Variants in RORA observed in about 807,000 individuals in gnomAD.
The protein encoded by RORA is RAR related orphan receptor A, also known as nuclear receptor ROR-alpha.
In RORA, 7 loss-of-function variants were observed where a neutral mutation model predicts 69.5. The ratio of observed to expected loss-of-function variants is 0.10; its 90% CI spans 0.06 to 0.19. RORA has a LOEUF of 0.19. RORA is among the 10% of genes least tolerant of loss of function. The pLI is 1.00. For missense variants in RORA, 457 were observed against 663.0 expected, an observed-to-expected ratio of 0.69 and a Z score of 3.41; for synonymous variants, 261 against 240.8, an observed-to-expected ratio of 1.08 and a Z score of -0.78.
chr15:60,958,276 T>C (rs1434059214), intron 1 of RORA, among the ~76,000 whole-genome samples: 5 of 152,234 alleles, frequency 3.3e-5, no homozygotes, highest in Non-Finnish European at 1.5e-5. Context: ...TTTGCGTGCA[T>C]GGAGCATCAA....
In RORA at chr15:60,499,927, G is replaced by T; in HGVS notation, c.1372C>A (p.Gln458Lys). The change falls in exon 10 of 11, where the codon CAG becomes AAG. Residue 458 changes from glutamine to lysine, a missense_variant. Gln to Lys is a moderately conservative substitution (Grantham distance 53). Around this residue, in one of 3 missense-constraint regions of RORA, gnomAD observed 304 missense variants for 447.4 expected, o/e 0.68. Transcript: ENST00000335670. ...KIQLALQHVL[Q>K]KNHREDGILT... The stretch of plus-strand genomic sequence containing the variant: ...ATTCCATCTTCTCGGTGATTCTTCT[G>T]TAGGACGTGTTGAAGAGCTAGCTGA... 1 of 1,612,232 alleles carries T rather than the reference G, an allele frequency of 6.2e-7. No individual in the cohort carries two copies. Among genetic ancestry groups the T allele is most frequent in the African/African-American group, 1.3e-5 (1 of 74,914 alleles).
At chr15:61,010,753 T>C (rs1288655524) in intron 1 of RORA, among the ~76,000 whole-genome samples, 1 of 152,210 alleles carries the variant, frequency 6.6e-6, no homozygotes, top group East Asian at 1.9e-4. Flanking sequence ...AAGGGGGTGC[T>C]GTGTTATGCC....
At chr15:60,662,205 C>G (rs951129988) in intron 2 of RORA, among the ~76,000 whole-genome samples, 7 of 152,220 alleles carry the variant, frequency 4.6e-5, no homozygotes, top group Non-Finnish European at 8.8e-5. Flanking sequence ...TGGTTCCCAT[C>G]TTTGATAGCC....
chr15:61,127,664 C>T lies in RORA; in HGVS notation c.166+101389G>A, dbSNP rs926847565. ...GTTGCCTTCTAGAAGATTTGTGCTG[C>T]TGGCATTTAAGTTGATTTTCTTTAA... On this transcript the variant is annotated intron_variant, in intron 1 of 10. Transcript: ENST00000335670. Among the ~76,000 whole-genome samples the T allele has an allele frequency of 7.2e-5, 11 of 152,298 alleles. No homozygotes were observed. The South Asian group carries it at 8.3e-4, about 11-fold the overall frequency.
At chr15:60,872,163 A>T (rs1195472222) in intron 1 of RORA, among the ~76,000 whole-genome samples, 1 of 152,188 alleles carries the variant, frequency 6.6e-6, no homozygotes, top group Non-Finnish European at 1.5e-5. Flanking sequence ...TCTGAGGCCC[A>T]GGTCTGTACA....
chr15:60,615,294 T>G (rs143830568), intron 2 of RORA, among the ~76,000 whole-genome samples: 181 of 152,304 alleles, frequency 1.2e-3, no homozygotes, highest in African/African-American at 4.2e-3. Flanking sequence ...CACGGAGCCT[T>G]GAGATCGAGT....
At chr15:60,922,708 T>A (rs1174310911) in intron 1 of RORA, among the ~76,000 whole-genome samples, 1 of 152,228 alleles carries the variant, frequency 6.6e-6, no homozygotes, top group African/African-American at 2.4e-5. Context: ...TGGCCACCAA[T>A]CACATAATAC....
chr15:60,761,383 G>A (rs1458471417), intron 1 of RORA, among the ~76,000 whole-genome samples: 1 of 151,964 alleles, frequency 6.6e-6, no homozygotes, highest in Non-Finnish European at 1.5e-5. Flanking sequence ...TGATTCAGAA[G>A]GCACTTTAGG....
chr15:60,587,999 ACT>A (rs1198424413), intron 2 of RORA, among the ~76,000 whole-genome samples: 1 of 152,026 alleles, frequency 6.6e-6, no homozygotes, highest in Non-Finnish European at 1.5e-5. Flanking sequence ...TCTGACTACG[ACT>A]CTCTCAGTTC....
chr15:60,980,319 A>T (rs1414911825), intron 1 of RORA, among the ~76,000 whole-genome samples: 8 of 152,168 alleles, frequency 5.3e-5, no homozygotes, highest in Admixed American at 5.2e-4. Context: ...TATATTCATA[A>T]GAGATATTAG....
At chr15:60,856,531 T>C (rs2073382573) in intron 1 of RORA, among the ~76,000 whole-genome samples, 2 of 152,032 alleles carry the variant, frequency 1.3e-5, no homozygotes, top group East Asian at 1.9e-4. Flanking sequence ...CCTTAGATAT[T>C]ATCAAAATAT....
At chr15:60,597,599 T>C (rs1400090008) in intron 2 of RORA, among the ~76,000 whole-genome samples, 7 of 37,218 alleles carry the variant, frequency 1.9e-4, no homozygotes, top group African/African-American at 3.8e-4. Context: ...TATATACACA[T>C]ATATATATAT....
chr15:61,220,468 G>A (rs1362287510), intron 1 of RORA, among the ~76,000 whole-genome samples: 1 of 152,184 alleles, frequency 6.6e-6, no homozygotes, highest in Non-Finnish European at 1.5e-5. Flanking sequence ...ATTGGATGTT[G>A]AAAATCCATT....
At chr15:60,755,060 T>A (rs1175184583) in intron 1 of RORA, among the ~76,000 whole-genome samples, 2 of 151,390 alleles carry the variant, frequency 1.3e-5, no homozygotes, top group South Asian at 4.2e-4. Context: ...TGTATACATG[T>A]GCCATGTTGG....
intron 1 of RORA, among the ~76,000 whole-genome samples, chr15:60,992,095 G>A (rs1894397223): frequency 6.6e-6 from 1 of 152,010 alleles, no homozygotes; most frequent in Non-Finnish European, 1.5e-5. Context: ...AATGTTGTTA[G>A]TACTATAATG....
chr15:60,752,114 G>A (rs1277022798), intron 1 of RORA, among the ~76,000 whole-genome samples: 1 of 152,028 alleles, frequency 6.6e-6, no homozygotes, highest in African/African-American at 2.4e-5. Context: ...GAGGGAGAAG[G>A]CAATGGGCTA....
chr15:61,179,634 A>G (rs2079663560), intron 1 of RORA, among the ~76,000 whole-genome samples: 1 of 152,240 alleles, frequency 6.6e-6, no homozygotes, highest in Admixed American at 6.5e-5. Flanking sequence ...ACGAGATCAA[A>G]AAGTTTGCCA....
intron 2 of RORA, among the ~76,000 whole-genome samples, chr15:60,638,575 A>T (rs2140668583): frequency 6.6e-6 from 1 of 152,248 alleles, no homozygotes; most frequent in African/African-American, 2.4e-5. Flanking sequence ...TCATTAGAAG[A>T]GGTTTTGTGA....
chr15:61,117,590 C>T (rs2079062091), intron 1 of RORA, among the ~76,000 whole-genome samples: 1 of 152,176 alleles, frequency 6.6e-6, no homozygotes, highest in South Asian at 2.1e-4. Context: ...ATCTTTTATA[C>T]TCTATAGAAT....
Sources: allele counts gnomAD v4.1 joint callset (sites outside exome capture counted in the v4.1 genomes callset), GRCh38; gene constraint gnomAD v4.1.1; regional missense constraint gnomAD v4.1.1; transcripts MANE v1.5; gene names NCBI Gene and HGNC (gene_info 2026-07-23, HGNC 2026-07-21).